DAPK1: variants seen among roughly 807,000 people sequenced by gnomAD.
DAPK1 encodes death-associated protein kinase 1.
Under a neutral mutation model 144.9 loss-of-function variants are expected in DAPK1, and 56 were observed. The observed-to-expected ratio is 0.39, with a 90% confidence interval of 0.31 to 0.48. The LOEUF is 0.48. DAPK1 is among the 20% of genes least tolerant of loss of function. The pLI is 0.95. For synonymous variants in DAPK1, 690 were observed against 749.0 expected (o/e 0.92, Z 1.29); for missense variants, 1,454 against 1,875.4 (o/e 0.78, Z 4.15).
chr9:87,643,800 C>A (rs1024210802), intron 11 of DAPK1, among the ~76,000 whole-genome samples: 3 of 152,022 alleles, frequency 2.0e-5, no homozygotes, highest in African/African-American at 7.2e-5. Context: ...TAGAGACACA[C>A]GCACTGATAT....
At chr9:87,603,079 C>T (rs1473580113) in intron 2 of DAPK1, among the ~76,000 whole-genome samples, 3 of 152,132 alleles carry the variant, frequency 2.0e-5, no homozygotes, top group African/African-American at 7.2e-5. Flanking sequence ...GAACTGTCAG[C>T]TTGGTTGTTG....
chr9:87,696,708 A>ACACT (rs931801278), intron 21 of DAPK1, among the ~76,000 whole-genome samples: 25 of 152,066 alleles, frequency 1.6e-4, no homozygotes, highest in African/African-American at 5.3e-4. Flanking sequence ...GAGCAAGAAC[A>ACACT]CACTCACTCA....
rs762172693 is a variant in DAPK1, at chr9:87,706,864, G to T, written c.3793G>T (p.Glu1265Ter). 1 of 1,613,984 alleles carries T rather than the reference G, an allele frequency of 6.2e-7. No homozygotes were observed. The highest frequency in any genetic ancestry group is 1.1e-5 in the South Asian group (1 of 91,080). Residue 1265 changes from glutamate (E) to a stop codon, truncating the protein, a stop_gained, in exon 26 of 26, where the codon GAA becomes TAA. Coordinates refer to ENST00000408954, the MANE Select transcript of DAPK1 (RefSeq NM_004938.4). LOFTEE classifies it high-confidence loss of function. This position sits in a 1 kb window ranked among gnomAD's most constrained non-coding sequence, Gnocchi z 9.0. Reference sequence around the variant, plus strand: ...CTTCTTCCGGGCACAGACTCTGAAGGAAACCTCACTGACCAACACCATGGG... The same window carrying T: ...CTTCTTCCGGGCACAGACTCTGAAGTAAACCTCACTGACCAACACCATGGG... ...RDFFRAQTLK[E>*]TSLTNTMGGY...
chr9:87,652,207 T>C (rs1326922453), intron 17 of DAPK1, among the ~76,000 whole-genome samples: 2 of 132,362 alleles, frequency 1.5e-5, no homozygotes, highest in Non-Finnish European at 3.2e-5. Flanking sequence ...ATCCCCCCGA[T>C]CCCGGGTCCT....
In DAPK1 at chr9:87,545,627, A is replaced by C. The variant is rs71508563; in HGVS notation, c.62+46488A>C. On this transcript the variant is annotated intron_variant, in intron 2 of 25. Transcript: ENST00000408954. ...AATAGCGGGATCTTGGCTCACTGCA[A>C]CCTCTGCCTCCCGGGTTCCAGCGAT... Among the ~76,000 whole-genome samples, 1,009 of 152,188 alleles carry C rather than the reference A, an allele frequency of 6.6e-3. 7 individuals are homozygous for C. Among genetic ancestry groups the C allele is most frequent in the Middle Eastern group, 0.027 (8 of 294 alleles).
chr9:87,515,955 C>A (rs914850634), intron 2 of DAPK1, among the ~76,000 whole-genome samples: 17 of 152,130 alleles, frequency 1.1e-4, no homozygotes, highest in African/African-American at 4.1e-4. Context: ...GGTGCCCTTG[C>A]CCCCCTTTCC....
intron 2 of DAPK1, among the ~76,000 whole-genome samples, chr9:87,525,752 G>T (rs1825484196): frequency 6.6e-6 from 1 of 152,004 alleles, no homozygotes; most frequent in Non-Finnish European, 1.5e-5. Flanking sequence ...CCAGCTCCTC[G>T]CACCCAGCAT....
chr9:87,680,649 ACACGCG>A (rs1564067149), intron 19 of DAPK1, among the ~76,000 whole-genome samples: 1 of 123,514 alleles, frequency 8.1e-6, no homozygotes, highest in Non-Finnish European at 1.9e-5. Flanking sequence ...ACACACACAC[ACACGCG>A]CACACACACA....
intron 18 of DAPK1, among the ~76,000 whole-genome samples, chr9:87,658,811 G>GAGT (rs1424123747): frequency 1.3e-5 from 2 of 152,252 alleles, no homozygotes; most frequent in Non-Finnish European, 2.9e-5. Context: ...GCTGGCCTGA[G>GAGT]AGTAGGCTGA....
Position 87,666,577 on chromosome 9 carries a change from G to A in DAPK1, c.1924-2020G>A, listed in dbSNP as rs796538204. On this transcript the variant is annotated intron_variant, in intron 18 of 25. Transcript: ENST00000408954. ...CAACCTCTGCCTCCCAGGTTCAAGC[G>A]ATTCTTATGTCTCAGCCTCCTGAGT... is the stretch of plus-strand genomic sequence containing the variant. 9.9e-5 allele frequency among the ~76,000 whole-genome samples: 15 copies of A among 151,384 alleles called. No individual in the cohort carries two copies. In the South Asian group the frequency reaches 1.0e-3, roughly 11 times the overall value.
chr9:87,515,268 AT>A (rs1276901373), intron 2 of DAPK1, among the ~76,000 whole-genome samples: 1 of 152,208 alleles, frequency 6.6e-6, no homozygotes, highest in Non-Finnish European at 1.5e-5. Context: ...AGCCACAGAC[AT>A]TATGTGTCCA....
intron 2 of DAPK1, among the ~76,000 whole-genome samples, chr9:87,569,150 T>G (rs1412270500): frequency 6.6e-6 from 1 of 152,220 alleles, no homozygotes; most frequent in Non-Finnish European, 1.5e-5. Flanking sequence ...GTACTTGGGC[T>G]CAGCCTCAGA....
chr9:87,519,415 G>A (rs1418937321), intron 2 of DAPK1, among the ~76,000 whole-genome samples: 1 of 152,146 alleles, frequency 6.6e-6, no homozygotes, highest in Non-Finnish European at 1.5e-5. Flanking sequence ...GTATTGCCCC[G>A]GTGCTCCAGG....
intron 21 of DAPK1, among the ~76,000 whole-genome samples, chr9:87,689,925 A>G (rs1824998900): frequency 6.6e-6 from 1 of 152,188 alleles, no homozygotes; most frequent in Non-Finnish European, 1.5e-5. Context: ...TGTATTTTGA[A>G]GTCAAGTAGT....
chr9:87,611,185 A>C (rs571743633), intron 3 of DAPK1, among the ~76,000 whole-genome samples: 36 of 152,358 alleles, frequency 2.4e-4, no homozygotes, highest in African/African-American at 7.2e-4. Context: ...AAAAATATAC[A>C]GTTTAAAACA....
chr9:87,671,647 C>T (rs1169294816), intron 19 of DAPK1, among the ~76,000 whole-genome samples: 2 of 152,060 alleles, frequency 1.3e-5, no homozygotes, highest in African/African-American at 4.8e-5. Context: ...ACTACAGGCA[C>T]GTCAGACACG....
intron 2 of DAPK1, among the ~76,000 whole-genome samples, chr9:87,566,713 T>G (rs1399532413): frequency 6.6e-6 from 1 of 152,178 alleles, no homozygotes; most frequent in Non-Finnish European, 1.5e-5. Flanking sequence ...AATTGTAGAC[T>G]GACTGATGTT....
intron 2 of DAPK1, among the ~76,000 whole-genome samples, chr9:87,571,459 AC>A: frequency 1.6e-5 from 1 of 62,082 alleles, no homozygotes; most frequent in East Asian, 5.0e-4. Flanking sequence ...ACACACACAC[AC>A]ACACACACAC....
At position 87,632,778 on chromosome 9, in the gene DAPK1, A is replaced by G. The variant is rs1007067236; in HGVS notation, c.285-5165A>G. The G allele has an allele frequency of 2.1e-5, 21 of 981,952 alleles. No individual in the cohort carries two copies. The African/African-American group carries it at 3.2e-4, about 15-fold the overall frequency. 60.8% of individuals were successfully genotyped at this position (981,952 alleles called of 1,614,324 possible). A position where few individuals can be genotyped will look rare whatever the true frequency, so the allele number is the denominator to read the frequency against. ...AAGGAGGATGAGTATATATGTAGAT[A>G]TGAAGGAGAATCAGTGTATATGTAG... On this transcript the variant is annotated intron_variant, in intron 3 of 25. Coordinates refer to ENST00000408954, the MANE Select transcript of DAPK1 (RefSeq NM_004938.4).
Sources: gnomAD v4.1 joint callset for allele counts (sites outside exome capture counted in the v4.1 genomes callset) on GRCh38, gnomAD v4.1.1 for gene constraint, Gnocchi (gnomAD v3.1) non-coding constraint, MANE v1.5 for transcripts, NCBI Gene and HGNC (gene_info 2026-07-23, HGNC 2026-07-21) for gene names.